The following VPS54 variants were observed in gnomAD, a reference collection of about 807,000 sequenced individuals.
VPS54 encodes VPS54 subunit of GARP complex.
Under a neutral mutation model 121.5 loss-of-function variants are expected in VPS54, and 45 were observed. The ratio of observed to expected loss-of-function variants is 0.37; its 90% CI spans 0.29 to 0.47. The LOEUF is 0.47. VPS54 is among the 20% of genes least tolerant of loss of function. The pLI, the probability that VPS54 is intolerant of heterozygous loss-of-function variation, is 0.99. For missense variants in VPS54, 1,090 were observed against 1,131.4 expected, an observed-to-expected ratio of 0.96 and a Z score of 0.52; for synonymous variants, 371 against 385.8, an observed-to-expected ratio of 0.96 and a Z score of 0.45.
rs1250353616 is a variant in VPS54, at chr2:63,915,654, A to C, written c.2228+1246T>G. On this transcript the variant is annotated intron_variant, in intron 16 of 22. Transcript: ENST00000272322. ...AAGAGTGACCAGATAACCAGTAGTT[A>C]AGGAGGGAAATCATAATTATATTGA... 3.3e-5 allele frequency among the ~76,000 whole-genome samples: 5 copies of C among 152,310 alleles called. No individual in the cohort carries two copies. The East Asian group carries it at 9.6e-4, about 29-fold the overall frequency.
At chr2:63,995,602 A>G (rs1677544170) in intron 1 of VPS54, among the ~76,000 whole-genome samples, 1 of 152,270 alleles carries the variant, frequency 6.6e-6, no homozygotes, top group Non-Finnish European at 1.5e-5. Flanking sequence ...TGGCAAGCCA[A>G]TTCCACCAAA....
At chr2:63,985,629 G>A (rs1054323063) in intron 1 of VPS54, among the ~76,000 whole-genome samples, 9 of 151,816 alleles carry the variant, frequency 5.9e-5, no homozygotes, top group Non-Finnish European at 1.3e-4. Flanking sequence ...ACTGACTATA[G>A]TGGAAACTGA....
chr2:63,905,890 A>C (rs1457575180), intron 20 of VPS54, among the ~76,000 whole-genome samples: 1 of 152,244 alleles, frequency 6.6e-6, no homozygotes, highest in East Asian at 1.9e-4. Flanking sequence ...TAAAATATTT[A>C]GAAATTTAGA....
intron 12 of VPS54, among the ~76,000 whole-genome samples, chr2:63,929,642 A>C (rs1674087524): frequency 2.6e-5 from 4 of 152,128 alleles, no homozygotes; most frequent in Admixed American, 2.0e-4. Context: ...AAAAGCTAGC[A>C]GAAGGCAAGA....
At position 63,962,241 on chromosome 2, in the gene VPS54, A is replaced by T. The variant is rs147728781; in HGVS notation, c.827T>A (p.Leu276Gln). 6.2e-7 allele frequency: 1 copy of T among 1,614,074 alleles called. No homozygotes were observed. Among genetic ancestry groups the T allele is most frequent in the African/African-American group, 1.3e-5 (1 of 75,062 alleles). ...MCEGSLHILR[L>Q]ALTRNNCVKV... The stretch of plus-strand genomic sequence containing the variant: ...AACACAATTATTTCTGGTAAGTGCC[A>T]GTCTTAAAATGTGGAGTGATCCTTC... Residue 276 changes from leucine to glutamine, a missense_variant, in exon 7 of 23, where the codon CTG (leucine) becomes CAG (glutamine). Physicochemically the swap from Leu to Gln is moderately radical, Grantham distance 113. Coordinates refer to ENST00000272322, the MANE Select transcript of VPS54 (RefSeq NM_016516.3).
At chr2:63,940,634 T>C (rs1373365286) in intron 11 of VPS54, among the ~76,000 whole-genome samples, 3 of 152,168 alleles carry the variant, frequency 2.0e-5, no homozygotes, top group African/African-American at 7.2e-5. Flanking sequence ...TTCACTATAA[T>C]GATGAGTGAA....
intron 1 of VPS54, among the ~76,000 whole-genome samples, chr2:63,991,037 A>T (rs538993244): frequency 2.0e-5 from 3 of 152,278 alleles, no homozygotes; most frequent in Non-Finnish European, 4.4e-5. Context: ...GCTCAGCTAA[A>T]TCGGACTAAT....
At chr2:63,917,283 A>G (rs1258646252) in intron 15 of VPS54, among the ~76,000 whole-genome samples, 1 of 152,108 alleles carries the variant, frequency 6.6e-6, no homozygotes, top group Non-Finnish European at 1.5e-5. Context: ...AGAAATAATT[A>G]TCACAAACTG....
At chr2:63,935,661 C>G (rs1285064088) in intron 11 of VPS54, among the ~76,000 whole-genome samples, 1 of 152,138 alleles carries the variant, frequency 6.6e-6, no homozygotes, top group Non-Finnish European at 1.5e-5. Context: ...AGTATCAGTT[C>G]TAAATAGCCC....
intron 3 of VPS54, 108 bp downstream of exon 3, chr2:63,981,538 A>G: frequency 1.6e-6 from 2 of 1,258,278 alleles, no homozygotes; most frequent in Non-Finnish European, 2.2e-6. Flanking sequence ...AACGAAAAGA[A>G]TACTATAGGT....
Position 63,933,891 on chromosome 2 carries a change from C to T in VPS54, c.1521G>A (p.Glu507=), listed in dbSNP as rs1479974492. The T allele has an allele frequency of 6.2e-7, 1 of 1,613,764 alleles. No homozygotes were observed. The highest frequency in any genetic ancestry group is 8.5e-7 in the Non-Finnish European group (1 of 1,179,822). ...TGCCTTCATGGATTAAATAAGCCAC[C>T]TCTGTGTCCAGTGAATTATCTTTTG... The part of the protein sequence containing the change: ...NAAKDNSLDT[E]VAYLIHEGMF... Residue 507 remains glutamate, a synonymous_variant, in exon 12 of 23, where the codon GAG becomes GAA. Coordinates refer to ENST00000272322, the MANE Select transcript of VPS54 (RefSeq NM_016516.3).
At chr2:63,945,241 G>C (rs1674924208) in intron 9 of VPS54, among the ~76,000 whole-genome samples, 1 of 152,150 alleles carries the variant, frequency 6.6e-6, no homozygotes, top group Non-Finnish European at 1.5e-5. Flanking sequence ...TCCTTTGCAG[G>C]AACATGGATG....
At chr2:63,972,488 CA>C (rs1399218114) in intron 3 of VPS54, among the ~76,000 whole-genome samples, 1 of 152,080 alleles carries the variant, frequency 6.6e-6, no homozygotes, top group Non-Finnish European at 1.5e-5. Flanking sequence ...GTAAAATCTC[CA>C]TATGTAGAAT....
intron 1 of VPS54, among the ~76,000 whole-genome samples, chr2:63,994,501 C>A (rs944343093): frequency 6.6e-6 from 1 of 152,102 alleles, no homozygotes; most frequent in African/African-American, 2.4e-5. Context: ...GACCGTTGCC[C>A]CGCTCAATCA....
chr2:64,013,559 G>T (rs1678529793), intron 1 of VPS54, among the ~76,000 whole-genome samples: 1 of 142,620 alleles, frequency 7.0e-6, no homozygotes, highest in Non-Finnish European at 1.5e-5. Context: ...ATATATATAT[G>T]ATATATATAT....
rs368932015 is a variant in VPS54, at chr2:63,972,174, T to C, written c.449A>G (p.His150Arg). 49 of 1,579,772 alleles carry C rather than the reference T, an allele frequency of 3.1e-5. No homozygotes were observed. Among genetic ancestry groups the C allele is most frequent in the South Asian group, 5.8e-5 (5 of 86,114 alleles). Reference sequence around the variant, plus strand: ...ATAACACATATTCATACCATGAGTATGTAAAAGAGTCCTTTCGAAGGTATC... The same window carrying C: ...ATAACACATATTCATACCATGAGTACGTAAAAGAGTCCTTTCGAAGGTATC... The part of the protein sequence containing the change: ...PKDTFERTLL[H>R]THDKSRTDLE... The change falls in exon 4 of 23, where the codon CAT (histidine) becomes CGT (arginine). Residue 150 changes from histidine to arginine, a missense_variant. Coordinates refer to ENST00000272322, the MANE Select transcript of VPS54 (RefSeq NM_016516.3).
chr2:63,955,696 T>C (rs1675463719), intron 7 of VPS54, among the ~76,000 whole-genome samples: 1 of 152,074 alleles, frequency 6.6e-6, no homozygotes, highest in Non-Finnish European at 1.5e-5. Flanking sequence ...AGGTATTTTA[T>C]ATATGCAAGA....
intron 1 of VPS54, among the ~76,000 whole-genome samples, chr2:63,987,489 G>A (rs980850558): frequency 5.9e-5 from 9 of 151,752 alleles, no homozygotes; most frequent in Admixed American, 2.6e-4. Context: ...TTTTTGCATA[G>A]GATAGCTTTG....
chr2:63,975,519 G>A (rs746163497), intron 3 of VPS54: 1 of 155,020 alleles, frequency 6.5e-6, no homozygotes, highest in African/African-American at 2.4e-5. Context: ...ATATTTTGCA[G>A]ACCCTGTACT....
Sources: allele counts gnomAD v4.1 joint callset (sites outside exome capture counted in the v4.1 genomes callset), GRCh38; gene constraint gnomAD v4.1.1; transcripts MANE v1.5; gene names NCBI Gene and HGNC (gene_info 2026-07-23, HGNC 2026-07-21).